BMERB1: variants seen among roughly 807,000 people sequenced by gnomAD.
BMERB1 encodes the protein bMERB domain containing 1.
A neutral mutation model predicts 23.6 loss-of-function variants in BMERB1; 12 were observed. The ratio of observed to expected loss-of-function variants is 0.51; its 90% CI spans 0.33 to 0.82. The LOEUF is 0.82. Among genes scored for constraint, BMERB1 ranks in the 40% least tolerant of loss-of-function variants. The pLI is 0.03. For synonymous variants in BMERB1, 122 were observed against 96.6 expected (o/e 1.26, Z -1.54); for missense variants, 247 against 255.4 (o/e 0.97, Z 0.22).
intron 2 of BMERB1, among the ~76,000 whole-genome samples, chr16:15,542,517 C>T (rs1298376255): frequency 6.6e-6 from 1 of 152,064 alleles, no homozygotes; most frequent in Non-Finnish European, 1.5e-5. Flanking sequence ...AAAGACAGTC[C>T]TATCGCTCAG....
chr16:15,443,136 T>C (rs1159183654), intron 1 of BMERB1, among the ~76,000 whole-genome samples: 1 of 151,980 alleles, frequency 6.6e-6, no homozygotes, highest in Non-Finnish European at 1.5e-5. Flanking sequence ...TAATCCCAGC[T>C]ACTCTGGAGG....
At chr16:15,554,636 A>T (rs1417975816) in intron 2 of BMERB1, among the ~76,000 whole-genome samples, 1 of 149,838 alleles carries the variant, frequency 6.7e-6, no homozygotes, top group Non-Finnish European at 1.5e-5. Context: ...CTGCCTCTAA[A>T]AAAGAAAAAA....
chr16:15,502,133 C>A, intron 1 of BMERB1: 1 of 679,244 alleles, frequency 1.5e-6, no homozygotes, highest in South Asian at 1.8e-5. Context: ...TGCTTGACGC[C>A]AATGCCTGCG....
At chr16:15,481,451 C>T (rs942374667) in intron 1 of BMERB1, among the ~76,000 whole-genome samples, 2 of 151,846 alleles carry the variant, frequency 1.3e-5, no homozygotes, top group Non-Finnish European at 2.9e-5. Context: ...GGCGTGAACC[C>T]GGGAGGCGGA....
intron 5 of BMERB1, chr16:15,583,965 T>C (rs138566904): frequency 4.3e-6 from 3 of 698,454 alleles, no homozygotes; most frequent in East Asian, 2.7e-5. Flanking sequence ...ATAGAAAGAA[T>C]TGGGTAGCTA....
intron 1 of BMERB1, among the ~76,000 whole-genome samples, chr16:15,514,826 A>C (rs1335228047): frequency 6.6e-6 from 1 of 152,146 alleles, no homozygotes; most frequent in Non-Finnish European, 1.5e-5. Context: ...CACGCCTGTA[A>C]TCCCAGCACT....
intron 1 of BMERB1, among the ~76,000 whole-genome samples, chr16:15,447,114 G>A (rs1011335703): frequency 1.5e-4 from 23 of 152,128 alleles, no homozygotes; most frequent in African/African-American, 4.1e-4. Flanking sequence ...GTAAAATGGG[G>A]ATAATAACAG....
intron 2 of BMERB1, among the ~76,000 whole-genome samples, chr16:15,540,872 A>C (rs1158828036): frequency 6.6e-6 from 1 of 152,092 alleles, no homozygotes. Flanking sequence ...GTTTTTTCTG[A>C]TACCAAATAC....
intron 2 of BMERB1, among the ~76,000 whole-genome samples, chr16:15,527,460 C>G (rs2051921351): frequency 6.6e-6 from 1 of 152,092 alleles, no homozygotes; most frequent in Non-Finnish European, 1.5e-5. Flanking sequence ...CAAAAATTAG[C>G]CAGGCGTGGT....
At chr16:15,477,583 A>T (rs1280222588) in intron 1 of BMERB1, among the ~76,000 whole-genome samples, 2 of 152,126 alleles carry the variant, frequency 1.3e-5, no homozygotes, top group African/African-American at 4.8e-5. Context: ...GTGAGCCATG[A>T]TCGTGTCACT....
intron 1 of BMERB1, among the ~76,000 whole-genome samples, chr16:15,436,154 A>G (rs1446424509): frequency 6.6e-6 from 1 of 152,164 alleles, no homozygotes; most frequent in African/African-American, 2.4e-5. Context: ...GGGGTATCCA[A>G]AACCTCAAGC....
In BMERB1 at chr16:15,506,975, T is replaced by A. The variant is rs147661191; in HGVS notation, c.107-8330T>A. On this transcript the variant is annotated intron_variant, in intron 1 of 5. Transcript: ENST00000300006. ...CACTTATGACCTCTCTAAGCCTCAT[T>A]TTATTAATCTAGAAAGAGAGGTTGA... Among the ~76,000 whole-genome samples the A allele has an allele frequency of 2.5e-3, 385 of 152,260 alleles. 3 individuals are homozygous for A. The highest frequency in any genetic ancestry group is 8.3e-3 in the African/African-American group (343 of 41,542).
At chr16:15,576,697 C>T (rs1292091805) in intron 3 of BMERB1, among the ~76,000 whole-genome samples, 5 of 151,890 alleles carry the variant, frequency 3.3e-5, no homozygotes, top group African/African-American at 1.2e-4. Context: ...GGGCCTTGTT[C>T]CCTGCTAAGG....
chr16:15,560,892 T>A (rs550666887), intron 2 of BMERB1, among the ~76,000 whole-genome samples: 1 of 151,236 alleles, frequency 6.6e-6, no homozygotes, highest in Admixed American at 6.6e-5. Context: ...ACTTGTTAGC[T>A]CCATTCCTCA....
At chr16:15,449,919 T>A (rs222134) in intron 1 of BMERB1, among the ~76,000 whole-genome samples, 48,167 of 146,362 alleles carry the variant, frequency 0.33, 8,650 homozygotes, top group Middle Eastern at 0.48. Context: ...TTCTTTAAAA[T>A]TTTTTTTTTT....
At chr16:15,500,808 G>C (rs2051519956) in intron 1 of BMERB1, among the ~76,000 whole-genome samples, 3 of 152,076 alleles carry the variant, frequency 2.0e-5, no homozygotes, top group African/African-American at 7.2e-5. Context: ...CGTGCCACCA[G>C]ACGTGGCTAT....
chr16:15,461,124 C>A (rs375799209), intron 1 of BMERB1, among the ~76,000 whole-genome samples: 124 of 131,210 alleles, frequency 9.5e-4, no homozygotes, highest in South Asian at 1.7e-3. Flanking sequence ...GACTCTGTCT[C>A]AAAAAAAAAA....
chr16:15,515,041 C>T (rs890742556), intron 1 of BMERB1, among the ~76,000 whole-genome samples: 2 of 152,222 alleles, frequency 1.3e-5, no homozygotes, highest in Non-Finnish European at 2.9e-5. Flanking sequence ...GAGATCGCTT[C>T]ACCGCACTCC....
At chr16:15,550,499 ATTT>A (rs1291834316) in intron 2 of BMERB1, among the ~76,000 whole-genome samples, 3 of 141,108 alleles carry the variant, frequency 2.1e-5, no homozygotes, top group Admixed American at 7.2e-5. Flanking sequence ...TGCCTGGCTA[ATTT>A]TTTTTTTTTT....
Sources: allele counts gnomAD v4.1 joint callset (sites outside exome capture counted in the v4.1 genomes callset), GRCh38; gene constraint gnomAD v4.1.1; transcripts MANE v1.5; gene names NCBI Gene and HGNC (gene_info 2026-07-23, HGNC 2026-07-21).